Variants in STS observed in about 807,000 individuals in gnomAD.
The protein encoded by STS is steroid sulfatase, also known as steryl-sulfatase.
STS carries 7 observed loss-of-function variants against 26.8 expected under a neutral mutation model. That is an observed-to-expected ratio of 0.26 (90% CI 0.15 to 0.49). The LOEUF is 0.49. STS is among the 20% of genes least tolerant of loss of function. The pLI, the probability that STS is intolerant of heterozygous loss-of-function variation, is 0.98. For missense variants in STS, 434 were observed against 465.6 expected (o/e 0.93, Z 0.63); for synonymous variants, 199 against 189.4 (o/e 1.05, Z -0.42).
At chrX:7,268,823 G>A (rs955060914) in intron 6 of STS, among the ~76,000 whole-genome samples, 6 of 110,144 alleles carry the variant, frequency 5.4e-5, no homozygotes, top group Non-Finnish European at 1.1e-4. Context: ...ACCAGCCTGG[G>A]CAATACAGCA....
chrX:7,190,481 G>A (rs1389331758), intron 1 of STS, among the ~76,000 whole-genome samples: 1 of 111,375 alleles, frequency 9.0e-6, no homozygotes, highest in Non-Finnish European at 1.9e-5. Flanking sequence ...AACCCCTGCT[G>A]CAGTAAAGAA....
intron 1 of STS, among the ~76,000 whole-genome samples, chrX:7,164,385 A>G (rs1933307929): frequency 9.0e-6 from 1 of 111,563 alleles, no homozygotes; most frequent in Non-Finnish European, 1.9e-5. Flanking sequence ...TGGTATCATC[A>G]TGTGCTTCTG....
At chrX:7,196,935 C>T (rs758135782) in intron 2 of STS, among the ~76,000 whole-genome samples, 2 of 111,413 alleles carry the variant, frequency 1.8e-5, no homozygotes, top group African/African-American at 3.3e-5. Context: ...AATGGCTTCC[C>T]GTTGGAAGGA....
intron 6 of STS, among the ~76,000 whole-genome samples, chrX:7,271,117 C>T (rs1924250696): frequency 9.1e-6 from 1 of 110,253 alleles, no homozygotes; most frequent in Non-Finnish European, 1.9e-5. Flanking sequence ...TCCTCGTTCT[C>T]AGCAAATTCT....
chrX:7,196,455 C>T (rs1387379105), intron 2 of STS, among the ~76,000 whole-genome samples: 1 of 111,490 alleles, frequency 9.0e-6, no homozygotes, highest in East Asian at 2.8e-4. Flanking sequence ...ATAATTCTTA[C>T]GCCAAAGAAG....
At chrX:7,303,319 G>A (rs1926061233) in intron 7 of STS, among the ~76,000 whole-genome samples, 3 of 111,398 alleles carry the variant, frequency 2.7e-5, no homozygotes, top group Non-Finnish European at 5.7e-5. Flanking sequence ...CCAGTCTCGG[G>A]TGTGTCTTTA....
At chrX:7,167,404 TGA>T (rs1253494092) in intron 1 of STS, among the ~76,000 whole-genome samples, 2 of 110,390 alleles carry the variant, frequency 1.8e-5, no homozygotes, top group East Asian at 5.8e-4. Flanking sequence ...TTAGTAGAGA[TGA>T]GGTTTCGCCA....
rs1287581051 is a variant in STS at position 7,176,987 on chromosome X, T to C, written c.-133-13893T>C. On this transcript the variant is annotated intron_variant, in intron 1 of 10. Coordinates refer to ENST00000674429, the MANE Select transcript of STS (RefSeq NM_001320752.2). ...AGATCTACAGTCTACCCATTTTGCCTCTATGAAAATAATTTTCCCACAGCG... is the reference window on the plus strand; with the variant it reads ...AGATCTACAGTCTACCCATTTTGCCCCTATGAAAATAATTTTCCCACAGCG... Among the ~76,000 whole-genome samples, 4 of 111,844 alleles carry C rather than the reference T, an allele frequency of 3.6e-5. No homozygotes were observed. In the Admixed American group the frequency reaches 3.8e-4, roughly 11 times the overall value.
At chrX:7,214,986 A>G (rs1921205488) in intron 2 of STS, among the ~76,000 whole-genome samples, 1 of 78,372 alleles carries the variant, frequency 1.3e-5, no homozygotes, top group Non-Finnish European at 2.4e-5. Flanking sequence ...ATATACATAT[A>G]TATACGTATA....
At chrX:7,303,366 T>C (rs1255334440) in intron 7 of STS, among the ~76,000 whole-genome samples, 2 of 111,224 alleles carry the variant, frequency 1.8e-5, no homozygotes, top group African/African-American at 3.3e-5. Context: ...AGCAGGTTAC[T>C]AAACCAGTAC....
At chrX:7,267,350 T>C (rs776572287) in intron 6 of STS, among the ~76,000 whole-genome samples, 7 of 112,226 alleles carry the variant, frequency 6.2e-5, no homozygotes, top group Non-Finnish European at 9.4e-5. Flanking sequence ...ACCTGGATGC[T>C]CTGAAGAGAA....
At chrX:7,258,105 CATAGATAGATAG>C (rs72344557) in intron 5 of STS, among the ~76,000 whole-genome samples, 21,771 of 92,549 alleles carry the variant, frequency 0.24, 2,176 homozygotes, top group South Asian at 0.37. Flanking sequence ...GAAAAACAGA[CATAGATAGATAG>C]ATAGATAGAT....
At chrX:7,330,997 G>A (rs1381957288) in intron 9 of STS, among the ~76,000 whole-genome samples, 1 of 111,350 alleles carries the variant, frequency 9.0e-6, no homozygotes, top group Non-Finnish European at 1.9e-5. Context: ...CCAACATTGT[G>A]CCCCAAATAA....
chrX:7,217,259 T>C (rs1921347984), intron 2 of STS, among the ~76,000 whole-genome samples: 1 of 111,280 alleles, frequency 9.0e-6, no homozygotes, highest in Non-Finnish European at 1.9e-5. Flanking sequence ...CAGTAGGGTG[T>C]TCTTGCTAAA....
At chrX:7,203,929 C>T (rs759061246) in intron 2 of STS, among the ~76,000 whole-genome samples, 9 of 111,126 alleles carry the variant, frequency 8.1e-5, no homozygotes, top group African/African-American at 2.3e-4. Flanking sequence ...GGACTACAGG[C>T]GTGTTCTACC....
At chrX:7,199,700 G>A (rs1449819850) in intron 2 of STS, among the ~76,000 whole-genome samples, 1 of 111,124 alleles carries the variant, frequency 9.0e-6, no homozygotes, top group African/African-American at 3.3e-5. Flanking sequence ...TATTCAGAGT[G>A]GGGGTTGATT....
chrX:7,164,362 GT>G lies in STS; in HGVS notation c.-134+16285del, dbSNP rs1395536652. Among the ~76,000 whole-genome samples the G allele has an allele frequency of 2.7e-5, 3 of 111,797 alleles. No individual in the cohort carries two copies. The Admixed American group carries it at 2.9e-4, about 11-fold the overall frequency. ...ACCTTGACCACCCGATGGTGCTGTT[GT>G]TTTTTGGTTTATGGTATCATCATGT... is the stretch of plus-strand genomic sequence containing the variant. On this transcript the variant is annotated intron_variant, in intron 1 of 10. Coordinates refer to ENST00000674429, the MANE Select transcript of STS (RefSeq NM_001320752.2).
intron 7 of STS, among the ~76,000 whole-genome samples, chrX:7,302,230 C>G (rs1439332589): frequency 8.9e-6 from 1 of 111,913 alleles, no homozygotes; most frequent in Non-Finnish European, 1.9e-5. Context: ...CCTGCCTAAT[C>G]TGTGTTATTT....
intron 1 of STS, among the ~76,000 whole-genome samples, chrX:7,165,869 CG>C (rs1354473833): frequency 2.2e-4 from 24 of 111,238 alleles, no homozygotes; most frequent in African/African-American, 7.8e-4. Context: ...CAATGTCCCC[CG>C]GGGGTCAAAT....
Sources: allele counts gnomAD v4.1 joint callset (sites outside exome capture counted in the v4.1 genomes callset), GRCh38; gene constraint gnomAD v4.1.1; transcripts MANE v1.5; gene names NCBI Gene and HGNC (gene_info 2026-07-23, HGNC 2026-07-21).